The following SCHIP1 variants were observed in gnomAD, a reference collection of about 807,000 sequenced individuals.
SCHIP1 encodes schwannomin interacting protein 1.
A neutral mutation model predicts 29.7 loss-of-function variants in SCHIP1; 8 were observed. That is an observed-to-expected ratio of 0.27 (90% confidence interval 0.16 to 0.49). The LOEUF (loss-of-function observed/expected upper bound fraction) is 0.49, where lower values mean the gene tolerates loss of function less well. Among genes scored for constraint, SCHIP1 ranks in the 20% least tolerant of loss-of-function variants. The pLI, the probability that SCHIP1 is intolerant of heterozygous loss-of-function variation, is 0.99. For missense variants in SCHIP1, 193 were observed against 294.6 expected, an observed-to-expected ratio of 0.66 and a Z score of 2.52; for synonymous variants, 76 against 94.9, an observed-to-expected ratio of 0.80 and a Z score of 1.16.
At chr3:159,680,067 C>T in the SCHIP1 span, among the ~76,000 whole-genome samples, 2 of 152,024 alleles carry the variant, frequency 1.3e-5, no homozygotes, top group African/African-American at 2.4e-5. Flanking sequence ...ACACTACGTG[C>T]GTTACTTCTT....
the SCHIP1 span, among the ~76,000 whole-genome samples, chr3:159,744,986 A>G: frequency 2.0e-5 from 3 of 151,954 alleles, no homozygotes; most frequent in Admixed American, 2.0e-4. Context: ...CGTCTCAAAA[A>G]AAAAAAAGAA....
At chr3:159,301,571 A>AG in the SCHIP1 span, among the ~76,000 whole-genome samples, 1 of 152,130 alleles carries the variant, frequency 6.6e-6, no homozygotes, top group Non-Finnish European at 1.5e-5. Context: ...ATGTCAGAAG[A>AG]GGGGCCTAAT....
the SCHIP1 span, among the ~76,000 whole-genome samples, chr3:159,408,507 G>A: frequency 1.3e-5 from 2 of 151,682 alleles, no homozygotes; most frequent in Admixed American, 1.3e-4. Flanking sequence ...TGATACTACA[G>A]AATGCAAAGA....
At chr3:159,633,143 T>C in the SCHIP1 span, among the ~76,000 whole-genome samples, 2 of 152,194 alleles carry the variant, frequency 1.3e-5, no homozygotes, top group African/African-American at 4.8e-5. Flanking sequence ...AATTTCAGAA[T>C]TGAACTAAGG....
the SCHIP1 span, among the ~76,000 whole-genome samples, chr3:159,696,590 G>A: frequency 6.6e-6 from 1 of 152,086 alleles, no homozygotes; most frequent in Non-Finnish European, 1.5e-5. Context: ...TTATTCCCAT[G>A]TGTCCTACAA....
At chr3:159,387,048 G>T in the SCHIP1 span, 1 of 162,080 alleles carries the variant, frequency 6.2e-6, no homozygotes. Flanking sequence ...GCAGAGATGA[G>T]GCACACCAGC....
chr3:159,637,496 G>C, the SCHIP1 span, among the ~76,000 whole-genome samples: 22 of 151,936 alleles, frequency 1.4e-4, no homozygotes, highest in African/African-American at 5.1e-4. Context: ...CCCTGAGCTT[G>C]CTAAGAAAGT....
At chr3:159,389,588 T>C in the SCHIP1 span, among the ~76,000 whole-genome samples, 11 of 152,054 alleles carry the variant, frequency 7.2e-5, no homozygotes, top group Admixed American at 7.2e-4. Flanking sequence ...ATAAGGATAA[T>C]TAGAGAAGTA....
Position 159,865,501 on chromosome 3 carries a change from A to G in SCHIP1, c.31-662A>G, listed in dbSNP as rs190754410. Among the ~76,000 whole-genome samples the G allele has an allele frequency of 8.8e-4, 134 of 152,304 alleles. 3 individuals carry two copies. In the East Asian group the frequency reaches 0.017, roughly 20 times the overall value. ...TCAAAATATGAAACAGATGGGCCCAACTAGAATTCTCCAGCTATTCCGGAC... is the reference window on the plus strand; with the variant it reads ...TCAAAATATGAAACAGATGGGCCCAGCTAGAATTCTCCAGCTATTCCGGAC... On this transcript the variant is annotated intron_variant, in intron 1 of 6. Coordinates refer to ENST00000445224, the Ensembl canonical transcript of SCHIP1.
the SCHIP1 span, among the ~76,000 whole-genome samples, chr3:159,787,261 C>A: frequency 6.6e-6 from 1 of 152,364 alleles, no homozygotes; most frequent in Admixed American, 6.5e-5. Context: ...CGAGCCTCTG[C>A]CTAGCCTTCA....
the SCHIP1 span, among the ~76,000 whole-genome samples, chr3:159,708,685 G>A: frequency 6.6e-6 from 1 of 152,170 alleles, no homozygotes; most frequent in Non-Finnish European, 1.5e-5. Flanking sequence ...GCAGGGTTAA[G>A]GAAACCAATG....
the SCHIP1 span, among the ~76,000 whole-genome samples, chr3:159,783,692 A>G: frequency 6.6e-6 from 1 of 152,182 alleles, no homozygotes; most frequent in Admixed American, 6.5e-5. Context: ...GAAGCTGTTT[A>G]AATCCAGTAA....
At chr3:159,733,104 T>G in the SCHIP1 span, among the ~76,000 whole-genome samples, 1 of 152,082 alleles carries the variant, frequency 6.6e-6, no homozygotes, top group Non-Finnish European at 1.5e-5. Context: ...AGCTCAGATT[T>G]TCTGTGTCAT....
the SCHIP1 span, among the ~76,000 whole-genome samples, chr3:159,817,058 G>A: frequency 1.3e-5 from 2 of 152,114 alleles, no homozygotes; most frequent in African/African-American, 4.8e-5. Flanking sequence ...CCTTAAGGCT[G>A]GGACTGTGTC....
the SCHIP1 span, among the ~76,000 whole-genome samples, chr3:159,705,139 T>G: frequency 2.6e-5 from 4 of 152,046 alleles, no homozygotes; most frequent in Admixed American, 1.3e-4. Flanking sequence ...AATTTTTGTA[T>G]TTTTAGCAGA....
At chr3:159,513,496 A>AGAT in the SCHIP1 span, among the ~76,000 whole-genome samples, 108,397 of 151,702 alleles carry the variant, frequency 0.71, 40,159 homozygotes, top group African/African-American at 0.92. Flanking sequence ...GCATTATTTT[A>AGAT]AGGAGACAAA....
intron 1 of SCHIP1, among the ~76,000 whole-genome samples, chr3:159,847,175 G>A (rs747338354): frequency 1.3e-5 from 2 of 152,096 alleles, no homozygotes; most frequent in Non-Finnish European, 1.5e-5. Flanking sequence ...GGAAGGAAAT[G>A]GGGCATCTCT....
chr3:159,666,889 A>G, the SCHIP1 span, among the ~76,000 whole-genome samples: 69 of 152,340 alleles, frequency 4.5e-4, no homozygotes, highest in Non-Finnish European at 5.9e-4. Context: ...TACATCGGTC[A>G]AGGTTTCAGG....
the SCHIP1 span, among the ~76,000 whole-genome samples, chr3:159,298,317 CTT>C: frequency 1.3e-5 from 2 of 152,172 alleles, no homozygotes; most frequent in East Asian, 3.9e-4. Flanking sequence ...CAACTTCTCT[CTT>C]GTTTTTGCCA....
Sources: allele counts gnomAD v4.1 joint callset (sites outside exome capture counted in the v4.1 genomes callset), GRCh38; gene constraint gnomAD v4.1.1; transcripts MANE v1.5; gene names NCBI Gene and HGNC (gene_info 2026-07-23, HGNC 2026-07-21).